EVL: variants seen among roughly 807,000 people sequenced by gnomAD.
EVL encodes Enah/Vasp-like.
In EVL, 21 loss-of-function variants were observed where a neutral mutation model predicts 59.6. That is an observed-to-expected ratio of 0.35 (90% CI 0.25 to 0.51). The LOEUF (loss-of-function observed/expected upper bound fraction) is 0.51. EVL is among the 20% of genes least tolerant of loss of function. EVL has a pLI of 0.97. For synonymous variants in EVL, 198 were observed against 203.5 expected (o/e 0.97, Z 0.23); for missense variants, 462 against 546.6 (o/e 0.85, Z 1.54).
In EVL at chr14:100,120,489, C is replaced by T. The variant is rs185200910; in HGVS notation, c.359-3050C>T. 1.1e-4 allele frequency among the ~76,000 whole-genome samples: 16 copies of T among 152,284 alleles called. 1 individual carries two copies. The South Asian group carries it at 2.9e-3, about 28-fold the overall frequency. ...TCAGTTTTTAAGAGAGGCGCATGGG[C>T]ACCGGTTGGTGAGAAGGAGCATGAG... On this transcript the variant is annotated intron_variant, in intron 3 of 13. Transcript: ENST00000392920.
At chr14:100,069,067 C>G (rs539393512) in intron 1 of EVL, among the ~76,000 whole-genome samples, 1 of 152,200 alleles carries the variant, frequency 6.6e-6, no homozygotes, top group South Asian at 2.1e-4. Flanking sequence ...AGAATGTAAA[C>G]TCCCAGAAGG....
At chr14:100,111,074 G>C (rs1002768547) in intron 3 of EVL, among the ~76,000 whole-genome samples, 1 of 151,350 alleles carries the variant, frequency 6.6e-6, no homozygotes, top group East Asian at 1.9e-4. Context: ...CCAGGCACCC[G>C]CTCCACCCTG....
chr14:100,026,650 T>G (rs527929425), intron 1 of EVL, among the ~76,000 whole-genome samples: 66 of 152,316 alleles, frequency 4.3e-4, no homozygotes, highest in African/African-American at 1.4e-3. Flanking sequence ...TGTGTAGTGC[T>G]TACTACTGTG....
At chr14:100,061,421 A>G (rs1303612116), upstream of EVL, among the ~76,000 whole-genome samples, 1 of 145,924 alleles carries the variant, frequency 6.9e-6, no homozygotes, top group Non-Finnish European at 1.5e-5. Flanking sequence ...AAAAAAAAAA[A>G]AAAAAAAAAA....
chr14:100,117,804 G>T (rs572041222), intron 3 of EVL, among the ~76,000 whole-genome samples: 1 of 152,158 alleles, frequency 6.6e-6, no homozygotes, highest in Non-Finnish European at 1.5e-5. Flanking sequence ...CTGATAGCTC[G>T]TGAGGCCCAG....
At chr14:100,118,360 C>T (rs1887483418) in intron 3 of EVL, among the ~76,000 whole-genome samples, 2 of 152,218 alleles carry the variant, frequency 1.3e-5, no homozygotes, top group Non-Finnish European at 2.9e-5. Flanking sequence ...CAGTACCTTG[C>T]TTTGGAATCC....
At chr14:100,143,649 C>G in intron 13 of EVL, 52 bp from the exon 14 acceptor site, 3 of 1,606,794 alleles carry the variant, frequency 1.9e-6, no homozygotes, top group Non-Finnish European at 1.7e-6. Flanking sequence ...TGATGAGGAA[C>G]CGGGCTGCAC....
At position 100,141,784 on chromosome 14, in the gene EVL, A is replaced by C; in HGVS notation, c.1210A>C (p.Ile404Leu). The C allele has an allele frequency of 6.2e-7, 1 of 1,613,214 alleles. No individual in the cohort carries two copies. Among genetic ancestry groups the C allele is most frequent in the Non-Finnish European group, 8.5e-7 (1 of 1,179,892 alleles). ...VRELHKVKEEIIDAIRQELSG... is the reference protein window; with the variant it reads ...VRELHKVKEELIDAIRQELSG... ...AGAGCTCCACAAGGTGAAGGAGGAG[A>C]TCATCGACGGTGAGTGCAGCCCCAC... The change falls in exon 13 of 14, where the codon ATC becomes CTC. Residue 404 changes from isoleucine (I) to leucine (L), a missense_variant. Coordinates refer to ENST00000392920, the MANE Select transcript of EVL (RefSeq NM_016337.3).
intron 11 of EVL, 160 bp downstream of exon 11, chr14:100,137,962 T>G (rs1433463429): frequency 1.5e-6 from 1 of 678,056 alleles, no homozygotes; most frequent in Admixed American, 2.6e-5. Context: ...CTCGGGGTCC[T>G]GTCAGTCAGC....
intron 3 of EVL, among the ~76,000 whole-genome samples, chr14:100,104,737 GAGAA>G (rs1188301869): frequency 1.3e-5 from 2 of 152,168 alleles, no homozygotes; most frequent in Admixed American, 6.5e-5. Flanking sequence ...GTGCCTATTT[GAGAA>G]AGAGTTTCCT....
chr14:100,103,632 G>A (rs1321151026), intron 3 of EVL, among the ~76,000 whole-genome samples: 1 of 152,126 alleles, frequency 6.6e-6, no homozygotes, highest in African/African-American at 2.4e-5. Flanking sequence ...CACCCCAGGT[G>A]AGGATGAGGC....
chr14:100,004,651 A>G (rs1215738172), intron 1 of EVL, among the ~76,000 whole-genome samples: 4 of 152,174 alleles, frequency 2.6e-5, no homozygotes, highest in African/African-American at 9.7e-5. Flanking sequence ...ATAACCAGTC[A>G]TTTTATTCTA....
At chr14:100,080,568 T>G (rs987808061) in intron 1 of EVL, among the ~76,000 whole-genome samples, 1 of 152,208 alleles carries the variant, frequency 6.6e-6, no homozygotes, top group Non-Finnish European at 1.5e-5. Context: ...TTTAAGAGTT[T>G]AGGTCTTGCA....
intron 10 of EVL, 27 bp from the exon 11 acceptor site, chr14:100,137,713 C>T (rs1454976983): frequency 2.5e-6 from 4 of 1,614,066 alleles, no homozygotes; most frequent in Non-Finnish European, 3.4e-6. Flanking sequence ...CGCCGATTCA[C>T]ATGTCTGTTT....
chr14:100,112,119 A>G (rs1011047709), intron 3 of EVL, among the ~76,000 whole-genome samples: 1 of 152,234 alleles, frequency 6.6e-6, no homozygotes, highest in African/African-American at 2.4e-5. Context: ...GAGTTTTACA[A>G]GTAGCCTCCT....
At chr14:99,986,603 A>G (rs1173177742) in intron 1 of EVL, among the ~76,000 whole-genome samples, 1 of 152,244 alleles carries the variant, frequency 6.6e-6, no homozygotes, top group Non-Finnish European at 1.5e-5. Flanking sequence ...TGAAGTGCAC[A>G]TATGGTAATA....
At chr14:100,019,704 C>G in intron 1 of EVL, 1 of 1,531,540 alleles carries the variant, frequency 6.5e-7, no homozygotes, top group Non-Finnish European at 8.7e-7. Flanking sequence ...TCTGGGCTTT[C>G]TACATCAGTC....
chr14:100,139,030 T>A (rs1888991134), intron 11 of EVL: 2 of 152,226 alleles, frequency 1.3e-5, no homozygotes, highest in African/African-American at 4.8e-5. Context: ...GAGTTAGAAG[T>A]TTGCATTGTG....
chr14:100,048,832 T>G (rs1241215481), intron 1 of EVL, among the ~76,000 whole-genome samples: 2 of 152,232 alleles, frequency 1.3e-5, no homozygotes, highest in African/African-American at 4.8e-5. Context: ...AGGAGGCCTA[T>G]TAAGTCATAA....
Sources: allele counts gnomAD v4.1 joint callset (sites outside exome capture counted in the v4.1 genomes callset), GRCh38; gene constraint gnomAD v4.1.1; transcripts MANE v1.5; gene names NCBI Gene and HGNC (gene_info 2026-07-23, HGNC 2026-07-21).